Variants in PCDHGA1 observed in about 807,000 individuals in gnomAD.
PCDHGA1 encodes protocadherin gamma subfamily A, 1, also known as protocadherin gamma-A1.
PCDHGA1 carries 32 observed loss-of-function variants against 58.0 expected under a neutral mutation model. That is an observed-to-expected ratio of 0.55 (90% CI 0.42 to 0.74). PCDHGA1 has a LOEUF of 0.74. Ranked by LOEUF, PCDHGA1 falls within the 30% of genes least tolerant of loss-of-function variation. PCDHGA1 has a pLI of 0.00. For synonymous variants in PCDHGA1, 498 were observed against 501.1 expected (o/e 0.99, Z 0.08); for missense variants, 1,205 against 1,182.3 (o/e 1.02, Z -0.28).
chr5:141,430,952 C>T, intron 1 of PCDHGA1: 2 of 1,610,382 alleles, frequency 1.2e-6, no homozygotes, highest in Non-Finnish European at 1.7e-6. Flanking sequence ...GCGCGGAGTC[C>T]GCATCATCCC....
At chr5:141,349,774 T>A (rs1310021505) in intron 1 of PCDHGA1, among the ~76,000 whole-genome samples, 1 of 152,168 alleles carries the variant, frequency 6.6e-6, no homozygotes, top group Non-Finnish European at 1.5e-5. Context: ...TTTATAAATA[T>A]AGTGAAATCA....
In PCDHGA1 at chr5:141,431,643, A is replaced by G. The variant is rs528599572; in HGVS notation, c.2422-63164A>G. Reference sequence around the variant, plus strand: ...AAGGCGGCCCAAGTTTTCAAACTAGATTGTAATTCAGGGACAATATCAACA... The same window carrying G: ...AAGGCGGCCCAAGTTTTCAAACTAGGTTGTAATTCAGGGACAATATCAACA... On this transcript the variant is annotated intron_variant, in intron 1 of 3. Coordinates refer to ENST00000517417, the MANE Select transcript of PCDHGA1 (RefSeq NM_018912.3). The surrounding 1 kb of genome is among the most constrained non-coding windows in gnomAD (Gnocchi z 4.8). 5.0e-5 allele frequency: 81 copies of G among 1,614,240 alleles called. No individual in the cohort carries two copies. In the South Asian group the frequency reaches 7.4e-4, roughly 15 times the overall value.
At chr5:141,365,163 C>A in intron 1 of PCDHGA1, 1 of 1,613,918 alleles carries the variant, frequency 6.2e-7, no homozygotes, top group Non-Finnish European at 8.5e-7. Flanking sequence ...GGGAAATTGA[C>A]CTACTCTTTT....
intron 1 of PCDHGA1, chr5:141,374,535 G>A (rs752542327): frequency 1.9e-6 from 3 of 1,613,092 alleles, no homozygotes; most frequent in South Asian, 2.2e-5. Flanking sequence ...CCATCCTCTC[G>A]TTTTCCACTA....
chr5:141,503,362 G>A (rs565902559), intron 2 of PCDHGA1, among the ~76,000 whole-genome samples: 32 of 152,054 alleles, frequency 2.1e-4, no homozygotes, highest in African/African-American at 6.5e-4. Context: ...TTTGGGAAGC[G>A]GAGGCAGGTG....
intron 1 of PCDHGA1, chr5:141,423,553 T>G: frequency 2.5e-6 from 4 of 1,613,548 alleles, no homozygotes; most frequent in Non-Finnish European, 3.4e-6. Flanking sequence ...CCAGCCCAAC[T>G]ATGGGGACAC....
intron 1 of PCDHGA1, among the ~76,000 whole-genome samples, chr5:141,429,503 C>T (rs890656634): frequency 1.3e-5 from 2 of 151,922 alleles, no homozygotes; most frequent in Admixed American, 6.6e-5. Context: ...TTGCCTGAAA[C>T]TGTGCCTGGC....
At position 141,352,536 on chromosome 5, in the gene PCDHGA1, C is replaced by A. The variant is rs199727665; in HGVS notation, c.2421+19431C>A. On this transcript the variant is annotated intron_variant, in intron 1 of 3. Transcript: ENST00000517417. ...TGTATTGCCTCTCATTCTGCAAAGACAGAGTTTAATTCTCTCAACCTGACA... is the reference window on the plus strand; with the variant it reads ...TGTATTGCCTCTCATTCTGCAAAGAAAGAGTTTAATTCTCTCAACCTGACA... 161 of 1,614,032 alleles carry A rather than the reference C, an allele frequency of 1.0e-4. No homozygotes were observed. In the African/African-American group the frequency reaches 1.9e-3, roughly 19 times the overall value.
chr5:141,385,604 CAT>C, intron 1 of PCDHGA1: 1 of 1,188,174 alleles, frequency 8.4e-7, no homozygotes, highest in Non-Finnish European at 1.1e-6. Flanking sequence ...TTTCTTAACT[CAT>C]ATATTTTATA....
chr5:141,340,385 T>G, intron 1 of PCDHGA1: 3 of 1,614,168 alleles, frequency 1.9e-6, no homozygotes, highest in Non-Finnish European at 2.5e-6. Flanking sequence ...AGCCTCTGTC[T>G]TCTCAGTGAC....
At chr5:141,372,403 A>G in intron 1 of PCDHGA1, 1 of 1,614,028 alleles carries the variant, frequency 6.2e-7, no homozygotes, top group Non-Finnish European at 8.5e-7. Flanking sequence ...AGCTTGCAAG[A>G]GATACAACCT....
Position 141,334,951 on chromosome 5 carries a change from A to G in PCDHGA1, c.2421+1846A>G, listed in dbSNP as rs1400455146. On this transcript the variant is annotated intron_variant, in intron 1 of 3. Transcript: ENST00000517417. This position sits in a 1 kb window ranked among gnomAD's most constrained non-coding sequence, Gnocchi z 4.6. The stretch of plus-strand genomic sequence containing the variant: ...AAACAGAGCTCTTCCACTAAAAATA[A>G]ATATACAAACCAAAATTTCAAAACA... Among the ~76,000 whole-genome samples, 1 of 152,230 alleles carries G rather than the reference A, an allele frequency of 6.6e-6. No homozygotes were observed. Among genetic ancestry groups the G allele is most frequent in the Non-Finnish European group, 1.5e-5 (1 of 68,042 alleles).
chr5:141,371,226 A>C (rs772683388), intron 1 of PCDHGA1: 19 of 1,613,954 alleles, frequency 1.2e-5, no homozygotes, highest in Non-Finnish European at 1.6e-5. Flanking sequence ...TGCCGAAATC[A>C]TCTATGCCTT....
At chr5:141,364,856 C>T (rs748996283) in intron 1 of PCDHGA1, 1 of 1,614,006 alleles carries the variant, frequency 6.2e-7, no homozygotes, top group South Asian at 1.1e-5. Context: ...CAGCTCCAAT[C>T]TGCACTTCTC....
Position 141,489,897 on chromosome 5 carries a change from C to G in PCDHGA1, c.2422-4910C>G. ...TGCTTACTGCTGTGGATGGGGGGAC[C>G]CCAGCCCGCTCAGGGACCACCCTTA... is the stretch of plus-strand genomic sequence containing the variant. On this transcript the variant is annotated intron_variant, in intron 1 of 3. Transcript: ENST00000517417. This position sits in a 1 kb window ranked among gnomAD's most constrained non-coding sequence, Gnocchi z 4.5. 1 of 1,614,162 alleles carries G rather than the reference C, an allele frequency of 6.2e-7. No individual in the cohort carries two copies. Among genetic ancestry groups the G allele is most frequent in the Non-Finnish European group, 8.5e-7 (1 of 1,180,016 alleles).
chr5:141,372,278 G>C (rs756938433), intron 1 of PCDHGA1: 2 of 1,613,032 alleles, frequency 1.2e-6, no homozygotes, highest in Admixed American at 1.7e-5. Flanking sequence ...AGGTGCGCAC[G>C]GCGCGTACCT....
At chr5:141,345,931 T>A (rs761472035) in intron 1 of PCDHGA1, 1 of 1,613,516 alleles carries the variant, frequency 6.2e-7, no homozygotes, top group Non-Finnish European at 8.5e-7. Flanking sequence ...CGAGCCCTGC[T>A]GGACAGAGAC....
intron 1 of PCDHGA1, chr5:141,346,450 T>C (rs1757753782): frequency 6.2e-7 from 1 of 1,614,246 alleles, no homozygotes; most frequent in Admixed American, 1.7e-5. Context: ...GATTCCAACC[T>C]ACTTCAGGTG....
At chr5:141,373,945 C>A in intron 1 of PCDHGA1, 1 of 765,672 alleles carries the variant, frequency 1.3e-6, no homozygotes, top group Non-Finnish European at 1.9e-6. Flanking sequence ...GAAAGCTGTG[C>A]AGAAATTCTG....
Sources: gnomAD v4.1 joint callset for allele counts (sites outside exome capture counted in the v4.1 genomes callset) on GRCh38, gnomAD v4.1.1 for gene constraint, Gnocchi (gnomAD v3.1) non-coding constraint, MANE v1.5 for transcripts, NCBI Gene and HGNC (gene_info 2026-07-23, HGNC 2026-07-21) for gene names.